Variants in GRIK1 observed in about 807,000 individuals in gnomAD.
GRIK1 encodes the protein glutamate ionotropic receptor kainate type subunit 1.
A neutral mutation model predicts 105.7 loss-of-function variants in GRIK1; 69 were observed. That is an observed-to-expected ratio of 0.65 (90% CI 0.54 to 0.80). The LOEUF is 0.80. Ranked by LOEUF, GRIK1 falls within the 30% of genes least tolerant of loss-of-function variation. GRIK1 has a pLI of 0.00. For synonymous variants in GRIK1, 438 were observed against 431.3 expected, an observed-to-expected ratio of 1.02 and a Z score of -0.19; for missense variants, 1,109 against 1,167.3, an observed-to-expected ratio of 0.95 and a Z score of 0.73.
intron 1 of GRIK1, among the ~76,000 whole-genome samples, chr21:29,846,462 A>G (rs2068120955): frequency 7.8e-6 from 1 of 128,046 alleles, no homozygotes; most frequent in African/African-American, 2.9e-5. Flanking sequence ...GGAAAGAGAG[A>G]GAGAAAGAAA....
chr21:29,800,385 T>C (rs437489), intron 1 of GRIK1, among the ~76,000 whole-genome samples: 122,434 of 152,168 alleles, frequency 0.8, 50,114 homozygotes, highest in Non-Finnish European at 0.88. Flanking sequence ...TGGCCCATTT[T>C]CCCCACTCTA....
At chr21:29,651,363 T>C (rs1466538384) in intron 5 of GRIK1, 72 bp from the exon 6 acceptor site, 3 of 1,003,620 alleles carry the variant, frequency 3.0e-6, no homozygotes, top group Admixed American at 2.4e-5. Flanking sequence ...AGAATATTAA[T>C]GATTGTAGCA....
intron 7 of GRIK1, among the ~76,000 whole-genome samples, chr21:29,614,168 C>T (rs2061789765): frequency 6.6e-6 from 1 of 152,070 alleles, no homozygotes; most frequent in South Asian, 2.1e-4. Context: ...CAATCCAAAG[C>T]TCATACATTA....
At chr21:29,741,124 T>C (rs1194921105) in intron 1 of GRIK1, among the ~76,000 whole-genome samples, 1 of 152,206 alleles carries the variant, frequency 6.6e-6, no homozygotes, top group African/African-American at 2.4e-5. Context: ...GCTTACTCAA[T>C]GTTCCTCCAA....
At chr21:29,752,907 A>C (rs1476099283) in intron 1 of GRIK1, among the ~76,000 whole-genome samples, 1 of 152,220 alleles carries the variant, frequency 6.6e-6, no homozygotes, top group Admixed American at 6.5e-5. Context: ...AGATTTCTTA[A>C]ATGATTGGAG....
intron 1 of GRIK1, among the ~76,000 whole-genome samples, chr21:29,847,964 C>T (rs1032777288): frequency 1.3e-5 from 2 of 152,022 alleles, no homozygotes; most frequent in Non-Finnish European, 2.9e-5. Flanking sequence ...TGTGTATACA[C>T]ATAAAATTCA....
intron 1 of GRIK1, among the ~76,000 whole-genome samples, chr21:29,897,647 T>C (rs1421727865): frequency 6.6e-6 from 1 of 152,214 alleles, no homozygotes; most frequent in Non-Finnish European, 1.5e-5. Context: ...AAAATAACGT[T>C]AGTCCAGGAC....
intron 14 of GRIK1, among the ~76,000 whole-genome samples, chr21:29,566,201 A>T (rs1006846801): frequency 6.6e-6 from 1 of 152,218 alleles, no homozygotes; most frequent in Non-Finnish European, 1.5e-5. Context: ...ATCACATATA[A>T]TGTCAACCAG....
intron 1 of GRIK1, among the ~76,000 whole-genome samples, chr21:29,782,603 A>G (rs1383862155): frequency 6.6e-6 from 1 of 152,200 alleles, no homozygotes; most frequent in Non-Finnish European, 1.5e-5. Flanking sequence ...GCAGAGAGAC[A>G]GGGGCCTGGA....
chr21:29,895,147 T>C (rs2070087362), intron 1 of GRIK1, among the ~76,000 whole-genome samples: 1 of 152,136 alleles, frequency 6.6e-6, no homozygotes, highest in Non-Finnish European at 1.5e-5. Context: ...GAGGCTGACT[T>C]GGAGGCAAAA....
At chr21:29,647,712 C>G (rs142201469) in intron 6 of GRIK1, among the ~76,000 whole-genome samples, 23 of 152,144 alleles carry the variant, frequency 1.5e-4, no homozygotes, top group African/African-American at 5.5e-4. Context: ...GCTGAAAGGT[C>G]GAATCAGCCC....
rs140181919 is a variant in GRIK1, at chr21:29,710,502, G to A, written c.119-16439C>T. 7.3e-3 allele frequency among the ~76,000 whole-genome samples: 1,109 copies of A among 152,006 alleles called. 16 individuals are homozygous for A. Among genetic ancestry groups the A allele is most frequent in the African/African-American group, 0.026 (1,058 of 41,456 alleles). ...TGAATGCTTCTGTCAAGAGTTCTTC[G>A]ATAAAATGAAAAACATTTTTCCTTA... On this transcript the variant is annotated intron_variant, in intron 1 of 17. Transcript: ENST00000327783.
intron 1 of GRIK1, among the ~76,000 whole-genome samples, chr21:29,835,968 G>C (rs1392952032): frequency 6.6e-6 from 1 of 151,316 alleles, no homozygotes; most frequent in Non-Finnish European, 1.5e-5. Flanking sequence ...TTTCTGACTT[G>C]ATGGCAATAG....
At chr21:29,706,219 C>A (rs114496066) in intron 1 of GRIK1, among the ~76,000 whole-genome samples, 1,747 of 152,212 alleles carry the variant, frequency 0.011, 44 homozygotes, top group African/African-American at 0.04. Flanking sequence ...TTTAAAACAT[C>A]TCTGTATATT....
rs1238238269 is a variant in GRIK1, at chr21:29,869,313, C to T, written c.118+70070G>A. Among the ~76,000 whole-genome samples the T allele has an allele frequency of 4.6e-5, 7 of 152,326 alleles. No homozygotes were observed. The East Asian group carries it at 9.6e-4, about 21-fold the overall frequency. On this transcript the variant is annotated intron_variant, in intron 1 of 17. Coordinates refer to ENST00000327783, the MANE Select transcript of GRIK1 (RefSeq NM_001330994.2). The stretch of plus-strand genomic sequence containing the variant: ...GGCCATTAAATTATGCAACCGGGAC[C>T]TAAATACATACCAGGTTAAGCCTAG...
chr21:29,751,794 G>T (rs1474568412), intron 1 of GRIK1, among the ~76,000 whole-genome samples: 2 of 152,174 alleles, frequency 1.3e-5, no homozygotes, highest in African/African-American at 2.4e-5. Context: ...TGACCAGTTT[G>T]TTAATGACCT....
At chr21:29,539,773 A>G (rs1157577837) in intron 16 of GRIK1, among the ~76,000 whole-genome samples, 1 of 152,174 alleles carries the variant, frequency 6.6e-6, no homozygotes, top group Non-Finnish European at 1.5e-5. Context: ...AAGTTTGCAA[A>G]CTTTATTACA....
intron 7 of GRIK1, among the ~76,000 whole-genome samples, chr21:29,606,320 A>G (rs1484276349): frequency 6.6e-6 from 1 of 152,094 alleles, no homozygotes; most frequent in Non-Finnish European, 1.5e-5. Flanking sequence ...GTGCATGCGC[A>G]GGATATGCCG....
At chr21:29,576,253 C>T (rs957562113) in intron 14 of GRIK1, among the ~76,000 whole-genome samples, 2 of 152,120 alleles carry the variant, frequency 1.3e-5, no homozygotes, top group Non-Finnish European at 2.9e-5. Context: ...AAGGCTTCCT[C>T]CAAAAGCGAG....
Sources: gnomAD v4.1 joint callset for allele counts (sites outside exome capture counted in the v4.1 genomes callset) on GRCh38, gnomAD v4.1.1 for gene constraint, MANE v1.5 for transcripts, NCBI Gene and HGNC (gene_info 2026-07-23, HGNC 2026-07-21) for gene names.